The following CD55 variants were observed in gnomAD, a reference collection of about 807,000 sequenced individuals.
The protein encoded by CD55 is complement decay-accelerating factor.
In CD55, 41 loss-of-function variants were observed where a neutral mutation model predicts 45.8. The observed-to-expected ratio is 0.90, with a 90% CI of 0.70 to 1.16. The LOEUF (loss-of-function observed/expected upper bound fraction) is 1.16. Ranked by LOEUF, CD55 falls within the 50% of genes most tolerant of loss-of-function variation. The pLI is 0.00. For missense variants in CD55, 416 were observed against 469.8 expected (o/e 0.89, Z 1.06); for synonymous variants, 181 against 181.1 (o/e 1.00, Z 0.01).
At chr1:207,347,193 C>T (rs1655675280) in intron 9 of CD55, 3 of 456,230 alleles carry the variant, frequency 6.6e-6, no homozygotes, top group Non-Finnish European at 1.3e-5. Flanking sequence ...GAAGCCACTC[C>T]CCATGATACT....
At chr1:207,330,473 G>C (rs543788123) in intron 5 of CD55, among the ~76,000 whole-genome samples, 3 of 151,996 alleles carry the variant, frequency 2.0e-5, no homozygotes, top group African/African-American at 7.2e-5. Context: ...TGTAAGTTCA[G>C]CTGCTCAGTA....
rs781591357 is a variant in CD55 at position 207,325,613 on chromosome 1, C to T, written c.479-9C>T. 6.4e-7 allele frequency: 1 copy of T among 1,551,220 alleles called. No homozygotes were observed. Among genetic ancestry groups the T allele is most frequent in the Non-Finnish European group, 8.9e-7 (1 of 1,125,904 alleles). The stretch of plus-strand genomic sequence containing the variant: ...TAATTTTAAAAAATCAATTTGTATT[C>T]TATTCTAGAGAAATCATGCCCTAAT... On this transcript the variant is annotated splice_polypyrimidine_tract_variant and intron_variant, in intron 3 of 9. Coordinates refer to ENST00000367064, the MANE Select transcript of CD55 (RefSeq NM_000574.5).
Position 207,326,802 on chromosome 1 carries a change from C to G in CD55, c.629C>G (p.Ser210Cys), listed in dbSNP as rs1466528912. Residue 210 changes from serine (S) to cysteine (C), a missense_variant, in exon 5 of 10, where the codon TCT becomes TGT. By Grantham distance (112) the Ser-to-Cys change is moderately radical. Around this residue, in one of 3 missense-constraint regions of CD55, gnomAD observed 111 missense variants for 163.4 expected, o/e 0.68. Transcript: ENST00000367064. ...TSSFCLISGS[S>C]VQWSDPLPEC... is the part of the protein sequence containing the mutation. ...AGTTTTTGTCTTATTTCAGGCAGCTCTGTCCAGTGGAGTGACCCGTTGCCA... is the reference window on the plus strand; with the variant it reads ...AGTTTTTGTCTTATTTCAGGCAGCTGTGTCCAGTGGAGTGACCCGTTGCCA... 1.2e-6 allele frequency: 2 copies of G among 1,613,802 alleles called. No individual in the cohort carries two copies. The highest frequency in any genetic ancestry group is 1.7e-6 in the Non-Finnish European group (2 of 1,179,882).
intron 6 of CD55, among the ~76,000 whole-genome samples, chr1:207,331,872 G>T (rs1316635527): frequency 2.0e-5 from 3 of 152,068 alleles, no homozygotes; most frequent in African/African-American, 7.2e-5. Context: ...TATTTTAAAA[G>T]AAATATTTAG....
chr1:207,354,470 A>G (rs1656004718), intron 9 of CD55, among the ~76,000 whole-genome samples: 1 of 152,238 alleles, frequency 6.6e-6, no homozygotes, highest in Non-Finnish European at 1.5e-5. Flanking sequence ...ACAGTTCTAC[A>G]TGATGGGGAA....
intron 1 of CD55, 55 bp from the exon 2 acceptor site, chr1:207,322,327 C>A (rs2102372297): frequency 1.4e-6 from 2 of 1,458,094 alleles, no homozygotes; most frequent in Middle Eastern, 1.7e-4. Context: ...TTGAAAACAG[C>A]AACTGTGAGG....
At chr1:207,344,564 C>T (rs180742142) in intron 9 of CD55, among the ~76,000 whole-genome samples, 73 of 152,254 alleles carry the variant, frequency 4.8e-4, no homozygotes, top group African/African-American at 1.7e-3. Flanking sequence ...CCGTTCTCTC[C>T]TGGCCTGTAA....
intron 9 of CD55, among the ~76,000 whole-genome samples, chr1:207,342,692 CAG>C (rs979112733): frequency 2.6e-5 from 4 of 152,080 alleles, no homozygotes; most frequent in African/African-American, 9.7e-5. Flanking sequence ...GTTTTGGTAT[CAG>C]GGTAATGCTG....
chr1:207,359,143 G>C (rs1190619713), intron 9 of CD55, among the ~76,000 whole-genome samples: 1 of 152,074 alleles, frequency 6.6e-6, no homozygotes, highest in Non-Finnish European at 1.5e-5. Context: ...TGGTGTAAAT[G>C]TATCTGTAAA....
rs1351842912 is a variant in CD55, at chr1:207,347,391, C to CT, written c.1081+7975dup. The CT allele has an allele frequency of 3.6e-5, 13 of 359,904 alleles. No homozygotes were observed. In the Admixed American group the frequency reaches 4.7e-4, roughly 13 times the overall value. The allele number at this position is 359,904 out of a possible 1,614,324, so 22.3% of individuals were successfully genotyped here. The stretch of plus-strand genomic sequence containing the variant: ...TCTCCTGCCTCAGCCTCCCAAGTAG[C>CT]TGGGACTATAGGCGCCTGCCACCAC... On this transcript the variant is annotated intron_variant, in intron 9 of 9. Transcript: ENST00000367064.
intron 9 of CD55, among the ~76,000 whole-genome samples, chr1:207,350,455 G>A (rs1655822336): frequency 6.6e-6 from 1 of 152,004 alleles, no homozygotes; most frequent in Admixed American, 6.6e-5. Flanking sequence ...TATGTTTGGT[G>A]GAATTTGTCT....
rs386369456 is a variant in CD55 at position 207,353,040 on chromosome 1, G to GTTTTTT, written c.1082-6486_1082-6481dup. 2.5e-3 allele frequency among the ~76,000 whole-genome samples: 119 copies of GTTTTTT among 47,400 alleles called. 9 individuals are homozygous for GTTTTTT. Among genetic ancestry groups the GTTTTTT allele is most frequent in the African/African-American group, 6.7e-3 (79 of 11,856 alleles). The allele number at this position is 47,400 out of a possible 152,430, so 31.1% of individuals were successfully genotyped here. A position where few individuals can be genotyped will look rare whatever the true frequency, so the allele number is the denominator to read the frequency against. On this transcript the variant is annotated intron_variant, in intron 9 of 9. Transcript: ENST00000367064. ...CGATGACTAGTTTCTCTATTACCAGGTTTTTTTTTTTTTTTTTTTTTTTTT... is the reference window on the plus strand; with the variant it reads ...CGATGACTAGTTTCTCTATTACCAGGTTTTTTTTTTTTTTTTTTTTTTTTTTTTTTT...
At chr1:207,325,544 A>G (rs1028558875) in intron 3 of CD55, 78 bp from the exon 4 acceptor site, 17 of 776,684 alleles carry the variant, frequency 2.2e-5, no homozygotes, top group African/African-American at 1.6e-4. Flanking sequence ...TAACATATCT[A>G]CCACCTCACA....
chr1:207,353,669 C>T (rs1174633984), intron 9 of CD55, among the ~76,000 whole-genome samples: 4 of 151,968 alleles, frequency 2.6e-5, no homozygotes, highest in African/African-American at 4.8e-5. Flanking sequence ...TTCTGTGATA[C>T]GTTTAGTCTG....
At position 207,321,806 on chromosome 1, in the gene CD55, T is replaced by A. The variant is rs1197728690; in HGVS notation, c.41T>A (p.Leu14His). Residue 14 changes from leucine (L) to histidine (H), a missense_variant, in exon 1 of 10, where the codon CTC becomes CAC. Physicochemically the swap from Leu to His is moderately conservative, Grantham distance 99. Coordinates refer to ENST00000367064, the MANE Select transcript of CD55 (RefSeq NM_000574.5). ...CCGAGCGTGCCCGCGGCGCTGCCCC[T>A]CCTCGGGGAGCTGCCCCGGCTGCTG... ...ARPSVPAALP[L>H]LGELPRLLLL... 6.5e-7 allele frequency: 1 copy of A among 1,527,442 alleles called. No individual in the cohort carries two copies. 94.6% of individuals were successfully genotyped at this position (1,527,442 alleles called of 1,614,324 possible). A position where few individuals can be genotyped will look rare whatever the true frequency, so the allele number is the denominator to read the frequency against.
chr1:207,335,011 T>C (rs1339077591), intron 6 of CD55, among the ~76,000 whole-genome samples: 1 of 152,112 alleles, frequency 6.6e-6, no homozygotes, highest in African/African-American at 2.4e-5. Context: ...CAAAATAAGC[T>C]GACACAGTTA....
rs764300881 is a variant in CD55 at position 207,322,447 on chromosome 1, C to T, written c.166C>T (p.Pro56Ser). 11 of 1,614,196 alleles carry T rather than the reference C, an allele frequency of 6.8e-6. No individual in the cohort carries two copies. In the South Asian group the frequency reaches 9.9e-5, roughly 15 times the overall value. ...AGCTTTGGAAGGCCGTACAAGTTTT[C>T]CCGAGGATACTGTAATAACGTACAA... ...QPALEGRTSFPEDTVITYKCE... is the reference protein window; with the variant it reads ...QPALEGRTSFSEDTVITYKCE... The change falls in exon 2 of 10, where the codon CCC (proline) becomes TCC (serine). Residue 56 changes from proline to serine, a missense_variant. Pro to Ser is a moderately conservative substitution (Grantham distance 74). This residue lies in a region of CD55 where 123 missense variants were observed against 105.1 expected (regional missense o/e 1.17). Transcript: ENST00000367064.
chr1:207,322,243 C>A, intron 1 of CD55, 139 bp from the exon 2 acceptor site: 1 of 780,814 alleles, frequency 1.3e-6, no homozygotes, highest in Non-Finnish European at 2.3e-6. Flanking sequence ...CAGAGTCCAG[C>A]CGTGTGGAGC....
chr1:207,337,656 T>G (rs545849132), intron 8 of CD55: 4 of 335,852 alleles, frequency 1.2e-5, no homozygotes, highest in South Asian at 7.4e-5. Flanking sequence ...AAATTAAGAT[T>G]GGTAAAAAAA....
Sources: allele counts gnomAD v4.1 joint callset (sites outside exome capture counted in the v4.1 genomes callset), GRCh38; gene constraint gnomAD v4.1.1; regional missense constraint gnomAD v4.1.1; transcripts MANE v1.5; gene names NCBI Gene and HGNC (gene_info 2026-07-23, HGNC 2026-07-21).